Variants in ANXA8 observed in about 807,000 individuals in gnomAD.
ANXA8 encodes the protein VAC-beta.
Under a neutral mutation model 26.8 loss-of-function variants are expected in ANXA8, and 9 were observed. That is an observed-to-expected ratio of 0.34 (90% CI 0.20 to 0.59). ANXA8 has a LOEUF of 0.59. Ranked by LOEUF, ANXA8 falls within the 20% of genes least tolerant of loss-of-function variation. The pLI, the probability that ANXA8 is intolerant of heterozygous loss-of-function variation, is 0.84. For synonymous variants in ANXA8, 39 were observed against 94.8 expected (o/e 0.41, Z 3.42); for missense variants, 83 against 238.5 (o/e 0.35, Z 4.29).
the ANXA8 span, among the ~76,000 whole-genome samples, chr10:47,556,280 T>G: frequency 6.6e-6 from 1 of 151,936 alleles, no homozygotes; most frequent in African/African-American, 2.4e-5. Flanking sequence ...TCTTCCTCTC[T>G]TAAGACCCAT....
chr10:47,726,885 T>A, the ANXA8 span: 1 of 1,587,348 alleles, frequency 6.3e-7, no homozygotes, highest in Non-Finnish European at 8.6e-7. Flanking sequence ...AATGTTTACA[T>A]CCATGTAGAA....
the ANXA8 span, among the ~76,000 whole-genome samples, chr10:47,657,956 C>T: frequency 2.6e-5 from 4 of 151,888 alleles, no homozygotes; most frequent in Non-Finnish European, 4.4e-5. Flanking sequence ...TCACTGTTGT[C>T]ATTTAAAATC....
chr10:47,657,261 G>T, the ANXA8 span, among the ~76,000 whole-genome samples: 1 of 151,798 alleles, frequency 6.6e-6, no homozygotes, highest in East Asian at 1.9e-4. Flanking sequence ...ACAGGGTCTT[G>T]CTATGTTGTC....
the ANXA8 span, among the ~76,000 whole-genome samples, chr10:47,721,439 A>G: frequency 7.2e-6 from 1 of 138,746 alleles, no homozygotes; most frequent in African/African-American, 2.6e-5. Flanking sequence ...AAACTATACC[A>G]CATTAAAGAT....
At chr10:47,630,850 A>G in the ANXA8 span, among the ~76,000 whole-genome samples, 8 of 148,682 alleles carry the variant, frequency 5.4e-5, no homozygotes, top group African/African-American at 1.8e-4. Flanking sequence ...GTTTAAGAGG[A>G]CAATTCACAT....
At chr10:47,616,871 A>G in the ANXA8 span, among the ~76,000 whole-genome samples, 4 of 67,924 alleles carry the variant, frequency 5.9e-5, 1 homozygote, top group Non-Finnish European at 1.4e-4. Flanking sequence ...CTCTCTTTAC[A>G]TAAGAGTACA....
At chr10:47,588,774 A>G in the ANXA8 span, 1 of 141,090 alleles carries the variant, frequency 7.1e-6, no homozygotes, top group East Asian at 2.0e-4. Flanking sequence ...CCATTCAAAG[A>G]TTTGATTCAC....
the ANXA8 span, among the ~76,000 whole-genome samples, chr10:47,957,339 A>G: frequency 2.7e-5 from 4 of 150,266 alleles, no homozygotes; most frequent in African/African-American, 7.5e-5. Flanking sequence ...GCTGCTGGGG[A>G]CCCGTGACCT....
the ANXA8 span, among the ~76,000 whole-genome samples, chr10:47,746,100 TC>T: frequency 8.6e-6 from 1 of 116,006 alleles, no homozygotes; most frequent in Non-Finnish European, 1.8e-5. Context: ...ACACCTGTAA[TC>T]CCAGCACTTT....
chr10:47,733,223 C>CTCTCTCTCTCTCTCTCTTTCT, the ANXA8 span, among the ~76,000 whole-genome samples: 1 of 62,500 alleles, frequency 1.6e-5, no homozygotes, highest in Non-Finnish European at 3.5e-5. Flanking sequence ...CTTTCTTTCT[C>CTCTCTCTCTCTCTCTCTTTCT]TTTCTTTCTC....
At chr10:47,720,373 T>C in the ANXA8 span, among the ~76,000 whole-genome samples, 25 of 146,126 alleles carry the variant, frequency 1.7e-4, 7 homozygotes, top group East Asian at 7.0e-3. Flanking sequence ...TAACTCATTT[T>C]CCCACCTTAA....
At chr10:47,980,794 A>C in the ANXA8 span, among the ~76,000 whole-genome samples, 1 of 150,104 alleles carries the variant, frequency 6.7e-6, no homozygotes, top group Non-Finnish European at 1.5e-5. Context: ...ATTTCAATAG[A>C]CCTTAGTAAG....
At chr10:47,702,645 T>G in the ANXA8 span, among the ~76,000 whole-genome samples, 1 of 151,684 alleles carries the variant, frequency 6.6e-6, no homozygotes, top group Non-Finnish European at 1.5e-5. Flanking sequence ...CCGGCCTCTC[T>G]TTTTTTGAGA....
the ANXA8 span, among the ~76,000 whole-genome samples, chr10:47,559,314 A>G: frequency 6.6e-6 from 1 of 151,328 alleles, no homozygotes; most frequent in Non-Finnish European, 1.5e-5. Flanking sequence ...CTTAGTAAAG[A>G]TGGGGGTTTC....
chr10:47,651,359 G>A, the ANXA8 span, among the ~76,000 whole-genome samples: 1 of 151,200 alleles, frequency 6.6e-6, no homozygotes, highest in African/African-American at 2.4e-5. Flanking sequence ...ACCCTATAAG[G>A]GTTCCTTACT....
At chr10:47,612,564 C>G in the ANXA8 span, among the ~76,000 whole-genome samples, 3 of 72,814 alleles carry the variant, frequency 4.1e-5, 1 homozygote, top group African/African-American at 1.2e-4. Context: ...TTTGAATGTT[C>G]CCCCCAAAAC....
At chr10:47,777,053 C>T in the ANXA8 span, among the ~76,000 whole-genome samples, 171 of 152,134 alleles carry the variant, frequency 1.1e-3, no homozygotes, top group Admixed American at 2.8e-3. Context: ...CCAAATATAG[C>T]TTCTAGGAAG....
chr10:47,891,588 AAATAG>A, the ANXA8 span, among the ~76,000 whole-genome samples: 10 of 8,750 alleles, frequency 1.1e-3, no homozygotes, highest in African/African-American at 1.8e-3. Flanking sequence ...CTCTACAAAT[AAATAG>A]AAAAAAAAAA....
the ANXA8 span, among the ~76,000 whole-genome samples, chr10:47,626,071 C>G: frequency 1.3e-5 from 2 of 150,394 alleles, no homozygotes; most frequent in Non-Finnish European, 2.9e-5. Context: ...GCCCATTAAC[C>G]TTTTATAGAT....
Sources: gnomAD v4.1 joint callset for allele counts (sites outside exome capture counted in the v4.1 genomes callset) on GRCh38, gnomAD v4.1.1 for gene constraint, MANE v1.5 for transcripts, NCBI Gene and HGNC (gene_info 2026-07-23, HGNC 2026-07-21) for gene names.